Variants in UBE2L3 observed in about 807,000 individuals in gnomAD.
The protein encoded by UBE2L3 is ubiquitin conjugating enzyme E2 L3.
Under a neutral mutation model 17.8 loss-of-function variants are expected in UBE2L3, and 1 was observed. That is an observed-to-expected ratio of 0.06 (90% CI 0.02 to 0.27). The LOEUF (loss-of-function observed/expected upper bound fraction) is 0.27. UBE2L3 is among the 10% of genes least tolerant of loss of function. The pLI is 1.00. For synonymous variants in UBE2L3, 44 were observed against 68.5 expected, an observed-to-expected ratio of 0.64 and a Z score of 1.76; for missense variants, 40 against 192.6, an observed-to-expected ratio of 0.21 and a Z score of 4.69.
chr22:21,619,559 C>G (rs1043836707), intron 3 of UBE2L3, among the ~76,000 whole-genome samples: 1 of 152,244 alleles, frequency 6.6e-6, no homozygotes, highest in Non-Finnish European at 1.5e-5. Context: ...TCACCAGGCA[C>G]AGTAAAAAGC....
intron 1 of UBE2L3, among the ~76,000 whole-genome samples, chr22:21,578,057 C>G (rs1389618612): frequency 6.6e-6 from 1 of 152,070 alleles, no homozygotes; most frequent in East Asian, 1.9e-4. Flanking sequence ...CAGCACGCCT[C>G]TCATTAAGAA....
intron 1 of UBE2L3, among the ~76,000 whole-genome samples, chr22:21,578,220 C>T (rs566258077): frequency 1.1e-3 from 165 of 151,768 alleles, no homozygotes; most frequent in African/African-American, 3.3e-3. Flanking sequence ...ATTAGCCGGG[C>T]GTGGTGGTGG....
intron 1 of UBE2L3, among the ~76,000 whole-genome samples, chr22:21,569,779 C>T (rs916643662): frequency 7.2e-5 from 11 of 152,206 alleles, no homozygotes; most frequent in African/African-American, 2.7e-4. Context: ...CATGTTTAAT[C>T]CTTCCTGTGA....
rs35054754 is a variant in UBE2L3 at position 21,597,775 on chromosome 22, A to ATTTTTTTTTTTTTT, written c.123+4838_123+4851dup. On this transcript the variant is annotated intron_variant, in intron 2 of 3. Coordinates refer to ENST00000342192, the MANE Select transcript of UBE2L3 (RefSeq NM_003347.4). Reference sequence around the variant, plus strand: ...GGATCTTTGATCCATTTATATGTAGATTTTTTTTTTTTTTTTTTTTTTTTT... The same window carrying ATTTTTTTTTTTTTT: ...GGATCTTTGATCCATTTATATGTAGATTTTTTTTTTTTTTTTTTTTTTTTTTTTTTTTTTTTTTT... 2.1e-3 allele frequency among the ~76,000 whole-genome samples: 55 copies of ATTTTTTTTTTTTTT among 25,602 alleles called. 17 individuals carry two copies. Among genetic ancestry groups the ATTTTTTTTTTTTTT allele is most frequent in the Admixed American group, 7.7e-3 (10 of 1,300 alleles). The allele number at this position is 25,602 out of a possible 152,430, so 16.8% of individuals were successfully genotyped here. A position where few individuals can be genotyped will look rare whatever the true frequency, so the allele number is the denominator to read the frequency against.
At chr22:21,568,872 G>A (rs1926797518) in intron 1 of UBE2L3, among the ~76,000 whole-genome samples, 1 of 152,152 alleles carries the variant, frequency 6.6e-6, no homozygotes, top group South Asian at 2.1e-4. Flanking sequence ...CCGTCCCTGG[G>A]AACGTTTCCT....
upstream of UBE2L3, among the ~76,000 whole-genome samples, chr22:21,563,478 C>T (rs1428454133): frequency 2.8e-5 from 4 of 144,842 alleles, no homozygotes; most frequent in African/African-American, 5.1e-5. Flanking sequence ...GGGAGAATGG[C>T]GTGAACCCGG....
intron 2 of UBE2L3, among the ~76,000 whole-genome samples, chr22:21,601,522 T>G (rs1928858270): frequency 6.6e-6 from 1 of 151,576 alleles, no homozygotes; most frequent in African/African-American, 2.4e-5. Flanking sequence ...ACCATGTTGG[T>G]CAGGCTGGTC....
At chr22:21,588,688 G>C (rs926614564) in intron 1 of UBE2L3, among the ~76,000 whole-genome samples, 1 of 151,586 alleles carries the variant, frequency 6.6e-6, no homozygotes, top group African/African-American at 2.4e-5. Context: ...TTTTGAGACA[G>C]AGTCTTGCTC....
intron 1 of UBE2L3, among the ~76,000 whole-genome samples, chr22:21,577,313 C>CA (rs1167511673): frequency 6.6e-6 from 1 of 152,040 alleles, no homozygotes; most frequent in Non-Finnish European, 1.5e-5. Context: ...TGGTGTTGGC[C>CA]AGGCTGGTCG....
At chr22:21,577,818 T>C (rs1255300374) in intron 1 of UBE2L3, among the ~76,000 whole-genome samples, 1 of 152,188 alleles carries the variant, frequency 6.6e-6, no homozygotes, top group Non-Finnish European at 1.5e-5. Context: ...CTAGCATAGG[T>C]AGGCAGAGCG....
At chr22:21,616,022 T>C (rs776597895) in intron 3 of UBE2L3, among the ~76,000 whole-genome samples, 1 of 152,174 alleles carries the variant, frequency 6.6e-6, no homozygotes, top group Admixed American at 6.5e-5. Context: ...TATTTGGGCA[T>C]GAGTTATAGT....
chr22:21,621,394 A>T, intron 3 of UBE2L3, 121 bp from the exon 4 acceptor site: 2 of 1,287,890 alleles, frequency 1.6e-6, no homozygotes, highest in Non-Finnish European at 2.1e-6. Flanking sequence ...GCTTTGGCTT[A>T]AAAGCACATT....
chr22:21,570,160 T>C (rs1926877879), intron 1 of UBE2L3, among the ~76,000 whole-genome samples: 1 of 152,246 alleles, frequency 6.6e-6, no homozygotes, highest in African/African-American at 2.4e-5. Context: ...TTGTCTTTCC[T>C]GTACTGGGTT....
At chr22:21,601,066 GAGGCAGAGGC>G (rs1262713820) in intron 2 of UBE2L3, among the ~76,000 whole-genome samples, 1 of 151,844 alleles carries the variant, frequency 6.6e-6, no homozygotes, top group Non-Finnish European at 1.5e-5. Flanking sequence ...AGCTACTTGG[GAGGCAGAGGC>G]AGGAGAATTG....
At chr22:21,604,930 C>T (rs1348437340) in intron 2 of UBE2L3, among the ~76,000 whole-genome samples, 3 of 152,178 alleles carry the variant, frequency 2.0e-5, no homozygotes, top group Admixed American at 1.3e-4. Flanking sequence ...AGTAACAGAA[C>T]TGCTTCTTTT....
At chr22:21,581,130 T>C (rs1927609989) in intron 1 of UBE2L3, among the ~76,000 whole-genome samples, 1 of 151,090 alleles carries the variant, frequency 6.6e-6, no homozygotes, top group Non-Finnish European at 1.5e-5. Context: ...TCTTGGCTTA[T>C]TGCAACCTCT....
intron 1 of UBE2L3, among the ~76,000 whole-genome samples, chr22:21,562,608 T>C (rs977597872): frequency 6.6e-6 from 1 of 151,346 alleles, no homozygotes; most frequent in African/African-American, 2.4e-5. Flanking sequence ...CCTGACCTCA[T>C]GATCTGCCTG....
intron 3 of UBE2L3, among the ~76,000 whole-genome samples, chr22:21,617,675 A>G (rs1325893801): frequency 6.6e-6 from 1 of 152,208 alleles, no homozygotes; most frequent in African/African-American, 2.4e-5. Context: ...TTTATAAAAT[A>G]TAATTTTAAT....
chr22:21,573,301 C>A (rs1293988230), intron 1 of UBE2L3, among the ~76,000 whole-genome samples: 4 of 152,060 alleles, frequency 2.6e-5, no homozygotes, highest in African/African-American at 9.7e-5. Context: ...GTCTCACCAG[C>A]CTTGTCTCTC....
Sources: gnomAD v4.1 joint callset for allele counts (sites outside exome capture counted in the v4.1 genomes callset) on GRCh38, gnomAD v4.1.1 for gene constraint, MANE v1.5 for transcripts, NCBI Gene and HGNC (gene_info 2026-07-23, HGNC 2026-07-21) for gene names.